Variants in NEGR1 observed in about 807,000 individuals in gnomAD.
NEGR1 encodes the protein neuronal growth regulator 1.
Under a neutral mutation model 40.9 loss-of-function variants are expected in NEGR1, and 10 were observed. The observed-to-expected ratio is 0.24, with a 90% confidence interval of 0.15 to 0.42. NEGR1 has a LOEUF of 0.42. Ranked by LOEUF, NEGR1 falls within the 10% of genes least tolerant of loss-of-function variation. The pLI, the probability that NEGR1 is intolerant of heterozygous loss-of-function variation, is 1.00. For missense variants in NEGR1, 352 were observed against 438.9 expected (o/e 0.80, Z 1.77); for synonymous variants, 185 against 166.8 (o/e 1.11, Z -0.84).
intron 1 of NEGR1, among the ~76,000 whole-genome samples, chr1:72,028,912 C>A (rs1340537845): frequency 6.6e-6 from 1 of 152,046 alleles, no homozygotes; most frequent in Non-Finnish European, 1.5e-5. Context: ...GCTTGATGCT[C>A]AATATACTGT....
At chr1:71,729,553 G>A (rs1466317790) in intron 3 of NEGR1, among the ~76,000 whole-genome samples, 1 of 152,100 alleles carries the variant, frequency 6.6e-6, no homozygotes, top group African/African-American at 2.4e-5. Flanking sequence ...ATTAATGAAG[G>A]TTGTGATTTA....
chr1:71,739,542 T>C (rs915178101), intron 3 of NEGR1, among the ~76,000 whole-genome samples: 2 of 151,994 alleles, frequency 1.3e-5, no homozygotes, highest in African/African-American at 4.8e-5. Flanking sequence ...AAAACCCTCT[T>C]AAATCATTCT....
intron 6 of NEGR1, among the ~76,000 whole-genome samples, chr1:71,515,628 A>C (rs1158347571): frequency 2.2e-5 from 2 of 91,258 alleles, no homozygotes; most frequent in Non-Finnish European, 4.1e-5. Context: ...TCATGCCAAA[A>C]TGTAAAGACC....
At chr1:71,898,564 G>A (rs1264213793) in intron 2 of NEGR1, among the ~76,000 whole-genome samples, 3 of 152,058 alleles carry the variant, frequency 2.0e-5, no homozygotes, top group Non-Finnish European at 2.9e-5. Context: ...GCAGTGAGCC[G>A]AGATCGTGCC....
At chr1:71,435,098 CAAACAAACAAACAAAAAAAA>C (rs1481092167) in intron 6 of NEGR1, among the ~76,000 whole-genome samples, 1 of 147,252 alleles carries the variant, frequency 6.8e-6, no homozygotes. Flanking sequence ...CTCAAACAAA[CAAACAAACAAACAAAAAAAA>C]AAAAAAAAGA....
intron 5 of NEGR1, among the ~76,000 whole-genome samples, chr1:71,594,797 T>A (rs190132093): frequency 5.8e-4 from 88 of 152,336 alleles, no homozygotes; most frequent in Admixed American, 3.1e-3. Flanking sequence ...ACCAGTTTCA[T>A]TGCCTTGCAA....
intron 1 of NEGR1, among the ~76,000 whole-genome samples, chr1:72,207,435 T>C (rs1017080573): frequency 3.1e-4 from 47 of 151,764 alleles, no homozygotes; most frequent in African/African-American, 1.0e-3. Flanking sequence ...TTTTTATATA[T>C]AGAAAGAATG....
chr1:71,819,646 C>T (rs1007744756), intron 2 of NEGR1, among the ~76,000 whole-genome samples: 1 of 151,872 alleles, frequency 6.6e-6, no homozygotes, highest in African/African-American at 2.4e-5. Context: ...TAATGCTTTA[C>T]TAATTCCATA....
intron 1 of NEGR1, among the ~76,000 whole-genome samples, chr1:72,237,914 C>T (rs1557592504): frequency 6.6e-6 from 1 of 151,876 alleles, no homozygotes; most frequent in Non-Finnish European, 1.5e-5. Flanking sequence ...TTTTTGTGAA[C>T]ATTAAATGAG....
chr1:71,447,535 C>T (rs1646591288), intron 6 of NEGR1, among the ~76,000 whole-genome samples: 1 of 152,154 alleles, frequency 6.6e-6, no homozygotes, highest in Non-Finnish European at 1.5e-5. Context: ...AAATCTTCTG[C>T]ACCTAGAGTG....
chr1:71,512,847 T>C lies in NEGR1; in HGVS notation c.940+79970A>G, dbSNP rs543195851. ...CACCCGCCTTGGCCTCCCAAAGTGCTGGGATTACAGGCGTGAGCCACCACG... is the reference window on the plus strand; with the variant it reads ...CACCCGCCTTGGCCTCCCAAAGTGCCGGGATTACAGGCGTGAGCCACCACG... On this transcript the variant is annotated intron_variant, in intron 6 of 6. Transcript: ENST00000357731. 8.3e-4 allele frequency among the ~76,000 whole-genome samples: 126 copies of C among 152,328 alleles called. 2 individuals are homozygous for C. The South Asian group carries it at 0.024, about 29-fold the overall frequency.
intron 1 of NEGR1, among the ~76,000 whole-genome samples, chr1:72,061,164 A>C (rs1647166408): frequency 6.6e-6 from 1 of 151,716 alleles, no homozygotes; most frequent in Non-Finnish European, 1.5e-5. Context: ...AAAGATTAAC[A>C]TAAAAAAGAA....
At chr1:72,267,274 T>TAAAATACATAC in intron 1 of NEGR1, among the ~76,000 whole-genome samples, 1 of 151,250 alleles carries the variant, frequency 6.6e-6, no homozygotes. Context: ...AATGCATATG[T>TAAAATACATAC]AATTTTAAGT....
At chr1:71,612,054 C>G (rs1650278270) in intron 4 of NEGR1, among the ~76,000 whole-genome samples, 2 of 152,280 alleles carry the variant, frequency 1.3e-5, no homozygotes, top group African/African-American at 2.4e-5. Context: ...AACCCCATCT[C>G]TACTAAAAAT....
At chr1:71,821,054 T>C (rs1658411461) in intron 2 of NEGR1, among the ~76,000 whole-genome samples, 1 of 151,996 alleles carries the variant, frequency 6.6e-6, no homozygotes, top group Admixed American at 6.6e-5. Flanking sequence ...GGAAAATGTA[T>C]TATTTTCTAT....
At chr1:71,550,533 C>T (rs957072745) in intron 6 of NEGR1, among the ~76,000 whole-genome samples, 2 of 151,394 alleles carry the variant, frequency 1.3e-5, no homozygotes, top group African/African-American at 2.4e-5. Flanking sequence ...ACTAGGATCA[C>T]AGATATAGAA....
intron 4 of NEGR1, among the ~76,000 whole-genome samples, chr1:71,656,636 G>A (rs1360182161): frequency 1.3e-5 from 2 of 152,108 alleles, no homozygotes; most frequent in African/African-American, 4.8e-5. Flanking sequence ...TCCTGACCTC[G>A]TGATCCGCCC....
At chr1:72,161,609 T>C (rs1258537933) in intron 1 of NEGR1, among the ~76,000 whole-genome samples, 2 of 151,964 alleles carry the variant, frequency 1.3e-5, no homozygotes, top group Admixed American at 6.6e-5. Flanking sequence ...CCAGGTATTT[T>C]ACCTATCTGT....
chr1:72,068,739 C>T (rs764271247), intron 1 of NEGR1, among the ~76,000 whole-genome samples: 1 of 152,126 alleles, frequency 6.6e-6, no homozygotes, highest in African/African-American at 2.4e-5. Flanking sequence ...AAATACTTTA[C>T]CTGAATTAAT....
Sources: allele counts gnomAD v4.1 joint callset (sites outside exome capture counted in the v4.1 genomes callset), GRCh38; gene constraint gnomAD v4.1.1; transcripts MANE v1.5; gene names NCBI Gene and HGNC (gene_info 2026-07-23, HGNC 2026-07-21).